KALRN: variants seen among roughly 807,000 people sequenced by gnomAD.
KALRN encodes kalirin RhoGEF kinase.
In KALRN, 70 loss-of-function variants were observed where a neutral mutation model predicts 353.7. The ratio of observed to expected loss-of-function variants is 0.20; its 90% CI spans 0.16 to 0.24. The LOEUF (loss-of-function observed/expected upper bound fraction) is 0.24. Among genes scored for constraint, KALRN ranks in the 10% least tolerant of loss-of-function variants. The pLI is 1.00. For missense variants in KALRN, 2,791 were observed against 3,756.7 expected (o/e 0.74, Z 6.72); for synonymous variants, 1,391 against 1,434.8 (o/e 0.97, Z 0.69).
At chr3:124,288,776 T>G (rs1479630442) in intron 5 of KALRN, among the ~76,000 whole-genome samples, 1 of 152,044 alleles carries the variant, frequency 6.6e-6, no homozygotes, top group Non-Finnish European at 1.5e-5. Flanking sequence ...GGCTGAGGGA[T>G]GAGTAGCAGC....
intron 1 of KALRN, among the ~76,000 whole-genome samples, chr3:124,186,820 G>T (rs964534165): frequency 1.3e-5 from 2 of 152,168 alleles, no homozygotes; most frequent in African/African-American, 4.8e-5. Flanking sequence ...TTGCTCCTGA[G>T]GCCTCATCAG....
intron 45 of KALRN, among the ~76,000 whole-genome samples, chr3:124,663,673 T>G (rs1280699025): frequency 6.6e-6 from 1 of 152,220 alleles, no homozygotes; most frequent in Non-Finnish European, 1.5e-5. Context: ...ACCTAAGCTT[T>G]CATTATTCCT....
chr3:124,609,012 C>T (rs2077651681), intron 34 of KALRN, among the ~76,000 whole-genome samples: 1 of 152,184 alleles, frequency 6.6e-6, no homozygotes, highest in Non-Finnish European at 1.5e-5. Context: ...CAGCCTGGAA[C>T]TCTGAGACTT....
chr3:124,621,187 C>T (rs2079229447), intron 34 of KALRN, among the ~76,000 whole-genome samples: 1 of 152,150 alleles, frequency 6.6e-6, no homozygotes, highest in Non-Finnish European at 1.5e-5. Flanking sequence ...TATCTGTACA[C>T]ATTCTGCCAG....
intron 1 of KALRN, among the ~76,000 whole-genome samples, chr3:124,209,008 C>A (rs1052205733): frequency 2.0e-5 from 3 of 151,498 alleles, no homozygotes; most frequent in Non-Finnish European, 2.9e-5. Context: ...TCATCATAAC[C>A]AATAGTTAAG....
intron 1 of KALRN, among the ~76,000 whole-genome samples, chr3:124,070,699 T>C (rs1349907517): frequency 1.3e-5 from 2 of 152,216 alleles, no homozygotes; most frequent in Non-Finnish European, 2.9e-5. Context: ...CCAGTGTTGT[T>C]TATAAAATAG....
chr3:124,480,552 T>C (rs2061880051), intron 27 of KALRN, among the ~76,000 whole-genome samples: 1 of 152,184 alleles, frequency 6.6e-6, no homozygotes, highest in Admixed American at 6.5e-5. Context: ...AGAGATGATT[T>C]CAGAGATCAT....
At chr3:124,411,872 T>C (rs1368477886) in intron 13 of KALRN, among the ~76,000 whole-genome samples, 2 of 152,110 alleles carry the variant, frequency 1.3e-5, no homozygotes, top group Non-Finnish European at 2.9e-5. Context: ...ACCCAGTGGC[T>C]CCCAGATCCC....
At chr3:124,684,869 C>T (rs1251334341) in intron 51 of KALRN, among the ~76,000 whole-genome samples, 1 of 152,062 alleles carries the variant, frequency 6.6e-6, no homozygotes, top group East Asian at 1.9e-4. Context: ...TTTTTTCCTT[C>T]CTCAAACCTA....
chr3:124,605,626 C>CACCGT (rs2077268737), intron 34 of KALRN, among the ~76,000 whole-genome samples: 1 of 150,506 alleles, frequency 6.6e-6, no homozygotes, highest in Non-Finnish European at 1.5e-5. Context: ...AGTTTCATCC[C>CACCGT]ACTGTGGTCC....
chr3:124,714,087 CAG>C (rs1559884748), intron 58 of KALRN, among the ~76,000 whole-genome samples: 9 of 144,234 alleles, frequency 6.2e-5, no homozygotes, highest in African/African-American at 1.5e-4. Context: ...AAAAAAAAAA[CAG>C]AGGGGACAAA....
chr3:124,165,517 A>G lies in KALRN; in HGVS notation c.74-62473A>G, dbSNP rs545797211. 3.3e-5 allele frequency among the ~76,000 whole-genome samples: 5 copies of G among 152,264 alleles called. No individual in the cohort carries two copies. In the East Asian group the frequency reaches 9.7e-4, roughly 29 times the overall value. ...GTACCTATCCACCTCCATAGCAACC[A>G]CATGTGGTCCCCTCCAACATGTCGT... On this transcript the variant is annotated intron_variant, in intron 1 of 59. Transcript: ENST00000682506.
At chr3:124,661,431 T>G (rs1301599131) in intron 44 of KALRN, among the ~76,000 whole-genome samples, 1 of 152,222 alleles carries the variant, frequency 6.6e-6, no homozygotes, top group African/African-American at 2.4e-5. Context: ...GGGATTATTT[T>G]AAGCCAGGGA....
At chr3:124,300,219 C>G (rs557308808) in intron 6 of KALRN, among the ~76,000 whole-genome samples, 6 of 152,266 alleles carry the variant, frequency 3.9e-5, no homozygotes, top group African/African-American at 1.4e-4. Flanking sequence ...TTAAATAATT[C>G]TGGCCTCAAG....
chr3:124,042,880 T>C (rs997629332), intron 1 of KALRN, among the ~76,000 whole-genome samples: 2 of 152,134 alleles, frequency 1.3e-5, no homozygotes, highest in South Asian at 2.1e-4. Flanking sequence ...CTGAAAGAAG[T>C]TGTGGCTGGA....
intron 10 of KALRN, among the ~76,000 whole-genome samples, chr3:124,376,225 C>T (rs763300717): frequency 2.0e-5 from 3 of 152,132 alleles, no homozygotes; most frequent in Non-Finnish European, 4.4e-5. Context: ...GTATCAGTCC[C>T]AATTAGTAAC....
intron 1 of KALRN, among the ~76,000 whole-genome samples, chr3:124,208,042 C>A (rs1010367016): frequency 1.3e-5 from 2 of 152,212 alleles, no homozygotes; most frequent in African/African-American, 4.8e-5. Flanking sequence ...CTTTCCCCCC[C>A]AGTTCAGTGT....
At chr3:124,352,349 A>T (rs2082918330) in intron 10 of KALRN, among the ~76,000 whole-genome samples, 1 of 152,218 alleles carries the variant, frequency 6.6e-6, no homozygotes, top group Non-Finnish European at 1.5e-5. Flanking sequence ...CGAGTATTCA[A>T]GTGCCTGTGG....
At chr3:124,142,552 C>A (rs1409823996) in intron 1 of KALRN, among the ~76,000 whole-genome samples, 1 of 152,186 alleles carries the variant, frequency 6.6e-6, no homozygotes, top group Non-Finnish European at 1.5e-5. Flanking sequence ...AGGTTAATTT[C>A]AGACCTAAGA....
Sources: allele counts gnomAD v4.1 joint callset (sites outside exome capture counted in the v4.1 genomes callset), GRCh38; gene constraint gnomAD v4.1.1; transcripts MANE v1.5; gene names NCBI Gene and HGNC (gene_info 2026-07-23, HGNC 2026-07-21).